PRKG1: variants seen among roughly 807,000 people sequenced by gnomAD.
PRKG1 encodes protein kinase cGMP-dependent 1, also known as cGMP-dependent protein kinase 1.
In PRKG1, 35 loss-of-function variants were observed where a neutral mutation model predicts 88.1. That is an observed-to-expected ratio of 0.40 (90% CI 0.30 to 0.53). The LOEUF (loss-of-function observed/expected upper bound fraction) is 0.53, where lower values mean the gene tolerates loss of function less well. Among genes scored for constraint, PRKG1 ranks in the 20% least tolerant of loss-of-function variants. The pLI is 0.59. For synonymous variants in PRKG1, 303 were observed against 292.5 expected, an observed-to-expected ratio of 1.04 and a Z score of -0.37; for missense variants, 540 against 839.8, an observed-to-expected ratio of 0.64 and a Z score of 4.41.
rs184591476 is a variant in PRKG1 at position 51,317,720 on chromosome 10, A to G, written c.479-150003A>G. The stretch of plus-strand genomic sequence containing the variant: ...CCTGGGGTTTATTCTGAACATTGCA[A>G]CTCCTGTCACCATGCTCTCAACAGC... On this transcript the variant is annotated intron_variant, in intron 2 of 17. Coordinates refer to ENST00000373980, the MANE Select transcript of PRKG1 (RefSeq NM_006258.4). Among the ~76,000 whole-genome samples the G allele has an allele frequency of 3.6e-3, 553 of 152,152 alleles. 1 individual carries two copies. Among genetic ancestry groups the G allele is most frequent in the Non-Finnish European group, 6.6e-3 (450 of 67,984 alleles).
chr10:51,168,345 T>C (rs2132002543), intron 2 of PRKG1, among the ~76,000 whole-genome samples: 1 of 152,242 alleles, frequency 6.6e-6, no homozygotes, highest in East Asian at 1.9e-4. Flanking sequence ...ATTAGATTTC[T>C]CCAAAGTGTA....
chr10:51,335,513 C>T (rs913969323), intron 2 of PRKG1, among the ~76,000 whole-genome samples: 2 of 152,062 alleles, frequency 1.3e-5, no homozygotes, highest in East Asian at 3.9e-4. Flanking sequence ...AATTTAGGTA[C>T]ACTTTTAAAT....
chr10:51,627,982 T>A (rs1416957344), intron 3 of PRKG1, among the ~76,000 whole-genome samples: 1 of 34,028 alleles, frequency 2.9e-5, no homozygotes, highest in Non-Finnish European at 6.2e-5. Context: ...CTTTCTTTCT[T>A]TCTTTCTTTC....
intron 9 of PRKG1, among the ~76,000 whole-genome samples, chr10:52,208,824 A>G (rs1315334809): frequency 6.6e-6 from 1 of 152,140 alleles, no homozygotes; most frequent in Non-Finnish European, 1.5e-5. Context: ...TATATATTCT[A>G]CATAATTTAT....
intron 2 of PRKG1, among the ~76,000 whole-genome samples, chr10:51,219,437 C>T (rs1212869578): frequency 6.6e-6 from 1 of 152,014 alleles, no homozygotes; most frequent in Non-Finnish European, 1.5e-5. Context: ...CGGCCGGGCG[C>T]AGTGGCTCAC....
At chr10:51,638,188 A>G (rs1222744424) in intron 3 of PRKG1, among the ~76,000 whole-genome samples, 1 of 152,188 alleles carries the variant, frequency 6.6e-6, no homozygotes, top group Non-Finnish European at 1.5e-5. Flanking sequence ...GTCTGGCTGA[A>G]TCTCTTTTTC....
At chr10:51,064,870 G>C (rs1286231396) in intron 1 of PRKG1, among the ~76,000 whole-genome samples, 1 of 151,962 alleles carries the variant, frequency 6.6e-6, no homozygotes, top group Non-Finnish European at 1.5e-5. Flanking sequence ...GGCCTACTCT[G>C]ACATTCTATG....
chr10:51,840,951 G>T (rs1035723298), intron 4 of PRKG1, among the ~76,000 whole-genome samples: 4 of 151,976 alleles, frequency 2.6e-5, no homozygotes, highest in South Asian at 2.1e-4. Flanking sequence ...TAAAATATAG[G>T]GTTTTATTTT....
chr10:51,434,186 G>A (rs1033732932), intron 2 of PRKG1, among the ~76,000 whole-genome samples: 1 of 152,008 alleles, frequency 6.6e-6, no homozygotes, highest in African/African-American at 2.4e-5. Flanking sequence ...TGTGTTTTTG[G>A]GTTACTTAAC....
rs537152511 is a variant in PRKG1, at chr10:51,389,576, T to C, written c.479-78147T>C. Among the ~76,000 whole-genome samples the C allele has an allele frequency of 3.9e-5, 6 of 152,274 alleles. No individual in the cohort carries two copies. The South Asian group carries it at 1.2e-3, about 32-fold the overall frequency. On this transcript the variant is annotated intron_variant, in intron 2 of 17. Coordinates refer to ENST00000373980, the MANE Select transcript of PRKG1 (RefSeq NM_006258.4). ...AGCTCTAGGTTTGCACTTTCACCCT[T>C]CTACTTGGTGGGTGTCCCATCAAGT...
intron 2 of PRKG1, among the ~76,000 whole-genome samples, chr10:51,412,214 A>AG (rs1491245344): frequency 0.017 from 2,065 of 122,182 alleles, 42 homozygotes; most frequent in African/African-American, 0.041. Flanking sequence ...AGAGAGAGAG[A>AG]AAGAAAGAGA....
chr10:51,481,305 T>C (rs1328046483), intron 3 of PRKG1, among the ~76,000 whole-genome samples: 1 of 151,774 alleles, frequency 6.6e-6, no homozygotes, highest in South Asian at 2.1e-4. Context: ...TGGAGTACAG[T>C]GGCATGATCT....
At chr10:52,187,681 C>T (rs1839232863) in intron 9 of PRKG1, among the ~76,000 whole-genome samples, 1 of 152,158 alleles carries the variant, frequency 6.6e-6, no homozygotes, top group Admixed American at 6.5e-5. Flanking sequence ...ATAGATTCTG[C>T]CAGCACAATG....
At chr10:51,892,153 G>A (rs537172739) in intron 4 of PRKG1, among the ~76,000 whole-genome samples, 2 of 152,124 alleles carry the variant, frequency 1.3e-5, no homozygotes, top group South Asian at 2.1e-4. Context: ...AGATATTCCC[G>A]AATAAAGGAG....
chr10:51,688,328 G>T (rs973650764), intron 3 of PRKG1, among the ~76,000 whole-genome samples: 2 of 152,030 alleles, frequency 1.3e-5, no homozygotes, highest in Non-Finnish European at 2.9e-5. Context: ...CAAGAGATTA[G>T]GGTATATTCT....
intron 9 of PRKG1, among the ~76,000 whole-genome samples, chr10:52,218,471 T>C (rs1487476511): frequency 1.3e-5 from 2 of 152,064 alleles, no homozygotes; most frequent in Non-Finnish European, 2.9e-5. Flanking sequence ...AAAAGATATT[T>C]TAAAACCTTA....
At chr10:51,364,643 C>T (rs1190784714) in intron 2 of PRKG1, among the ~76,000 whole-genome samples, 1 of 151,712 alleles carries the variant, frequency 6.6e-6, no homozygotes, top group Non-Finnish European at 1.5e-5. Context: ...TAGCCAAGCT[C>T]AAATGGATGG....
At chr10:51,939,454 A>G (rs1178987857) in intron 5 of PRKG1, among the ~76,000 whole-genome samples, 1 of 152,014 alleles carries the variant, frequency 6.6e-6, no homozygotes, top group African/African-American at 2.4e-5. Flanking sequence ...GATACATACA[A>G]ACTCTGAAGG....
chr10:51,662,644 T>TTA (rs539370754), intron 3 of PRKG1, among the ~76,000 whole-genome samples: 194 of 152,200 alleles, frequency 1.3e-3, no homozygotes, highest in Admixed American at 6.4e-3. Flanking sequence ...CATAAAACCA[T>TTA]TATATGATCA....
Sources: gnomAD v4.1 joint callset for allele counts (sites outside exome capture counted in the v4.1 genomes callset) on GRCh38, gnomAD v4.1.1 for gene constraint, MANE v1.5 for transcripts, NCBI Gene and HGNC (gene_info 2026-07-23, HGNC 2026-07-21) for gene names.